PPP1R1C: variants seen among roughly 807,000 people sequenced by gnomAD.
PPP1R1C encodes protein phosphatase 1 regulatory inhibitor subunit 1C.
In PPP1R1C, 15 loss-of-function variants were observed where a neutral mutation model predicts 17.4. That is an observed-to-expected ratio of 0.86 (90% CI 0.58 to 1.33). The LOEUF (loss-of-function observed/expected upper bound fraction) is 1.33, where lower values mean the gene tolerates loss of function less well. Among genes scored for constraint, PPP1R1C ranks in the 40% most tolerant of loss-of-function variants. The pLI, the probability that PPP1R1C is intolerant of heterozygous loss-of-function variation, is 0.00. For missense variants in PPP1R1C, 143 were observed against 130.0 expected, an observed-to-expected ratio of 1.10 and a Z score of -0.48; for synonymous variants, 35 against 43.1, an observed-to-expected ratio of 0.81 and a Z score of 0.73.
chr2:182,080,059 C>A (rs1185517943), intron 4 of PPP1R1C, among the ~76,000 whole-genome samples: 2 of 152,150 alleles, frequency 1.3e-5, no homozygotes, highest in Admixed American at 6.5e-5. Flanking sequence ...ACTATTCAAC[C>A]CAATACATAC....
At chr2:182,028,819 G>A (rs1487012752) in intron 2 of PPP1R1C, among the ~76,000 whole-genome samples, 1 of 116,926 alleles carries the variant, frequency 8.6e-6, no homozygotes, top group Non-Finnish European at 1.9e-5. Flanking sequence ...GGGTGTTAAA[G>A]TCTCCCATTA....
chr2:182,049,073 C>T (rs948933394), intron 2 of PPP1R1C, among the ~76,000 whole-genome samples: 2 of 152,168 alleles, frequency 1.3e-5, no homozygotes, highest in African/African-American at 4.8e-5. Flanking sequence ...AGGCTCACGC[C>T]TGTAATCCCA....
At chr2:181,986,286 TG>T in intron 1 of PPP1R1C, 95 bp downstream of exon 1, 1 of 994,234 alleles carries the variant, frequency 1.0e-6, no homozygotes, top group Non-Finnish European at 1.6e-6. Flanking sequence ...CTTTTGATTT[TG>T]CTAACTCTGA....
At chr2:182,106,320 G>A (rs74558146) in intron 4 of PPP1R1C, among the ~76,000 whole-genome samples, 2,531 of 152,250 alleles carry the variant, frequency 0.017, 37 homozygotes, top group South Asian at 0.058. Flanking sequence ...GTGCCTATAA[G>A]AACCCTGAGA....
At chr2:182,061,513 T>A in intron 3 of PPP1R1C, 34 bp downstream of exon 3, 1 of 1,371,486 alleles carries the variant, frequency 7.3e-7, no homozygotes. Context: ...ATAAATGTGT[T>A]CAAATCAATT....
intron 3 of PPP1R1C, 30 bp downstream of exon 3, chr2:182,061,509 G>A (rs373203029): frequency 2.1e-6 from 3 of 1,401,872 alleles, no homozygotes; most frequent in East Asian, 5.6e-5. Context: ...TTGTATAAAT[G>A]TGTTCAAATC....
intron 2 of PPP1R1C, among the ~76,000 whole-genome samples, chr2:182,022,385 A>G (rs1686455101): frequency 6.6e-6 from 1 of 152,250 alleles, no homozygotes; most frequent in African/African-American, 2.4e-5. Flanking sequence ...TGTGAAATTA[A>G]AAAAGTAAAA....
In PPP1R1C at chr2:181,976,046, T is replaced by C. The variant is rs1291580176; in HGVS notation, n.157+782T>C. Reference sequence around the variant, plus strand: ...TTATCTTTGTTATTCTGGCTCTTAATTTTTTATTAAAAAATTCAAATGTGC... The same window carrying C: ...TTATCTTTGTTATTCTGGCTCTTAACTTTTTATTAAAAAATTCAAATGTGC... On this transcript the variant is annotated intron_variant and non_coding_transcript_variant, in intron 2 of 5. Transcript: ENST00000464264. The surrounding 1 kb of genome is among the most constrained non-coding windows in gnomAD (Gnocchi z 4.8). Among the ~76,000 whole-genome samples, 7 of 152,110 alleles carry C rather than the reference T, an allele frequency of 4.6e-5. No homozygotes were observed. The highest frequency in any genetic ancestry group is 8.8e-5 in the Non-Finnish European group (6 of 67,964).
At chr2:182,090,660 C>G (rs974688544) in intron 4 of PPP1R1C, among the ~76,000 whole-genome samples, 1 of 152,102 alleles carries the variant, frequency 6.6e-6, no homozygotes, top group African/African-American at 2.4e-5. Context: ...ATGCAATCTT[C>G]CAGCAACGAC....
chr2:181,986,169 T>A lies in PPP1R1C; in HGVS notation c.59T>A (p.Ile20Asn). The A allele has an allele frequency of 6.2e-7, 1 of 1,613,654 alleles. No individual in the cohort carries two copies. The highest frequency in any genetic ancestry group is 1.1e-5 in the South Asian group (1 of 91,074). ...QFAVPVFQSQ[I>N]APEAAEQIRK... ...GCCGTGCCTGTATTCCAGAGTCAGATTGCACCTGAAGCAGCAGAGCAGGTA... is the reference window on the plus strand; with the variant it reads ...GCCGTGCCTGTATTCCAGAGTCAGAATGCACCTGAAGCAGCAGAGCAGGTA... The change falls in exon 1 of 5, where the codon ATT (isoleucine) becomes AAT (asparagine). Residue 20 changes from isoleucine (I) to asparagine (N), a missense_variant. Ile to Asn is a moderately radical substitution (Grantham distance 149). Transcript: ENST00000682840.
chr2:181,986,079 C>T lies in PPP1R1C; in HGVS notation c.-32C>T, dbSNP rs1685288582. ...CACTTAGGGTTAGTCTTTCTGAGCT[C>T]TTCACATCTCTGACTAATTATCATC... On this transcript the variant is annotated 5_prime_UTR_variant, in exon 1 of 5. Coordinates refer to ENST00000682840, the MANE Select transcript of PPP1R1C (RefSeq NM_001080545.3). The T allele has an allele frequency of 6.4e-7, 1 of 1,572,742 alleles. No homozygotes were observed. The highest frequency in any genetic ancestry group is 8.8e-7 in the Non-Finnish European group (1 of 1,142,408).
At chr2:182,097,525 T>C (rs1688977549) in intron 4 of PPP1R1C, among the ~76,000 whole-genome samples, 1 of 152,212 alleles carries the variant, frequency 6.6e-6, no homozygotes, top group Non-Finnish European at 1.5e-5. Flanking sequence ...AAACTTAGTT[T>C]ACTACTGGGA....
intron 2 of PPP1R1C, among the ~76,000 whole-genome samples, chr2:182,027,887 G>C (rs1332473780): frequency 2.4e-5 from 3 of 127,394 alleles, no homozygotes; most frequent in South Asian, 2.9e-4. Context: ...CACAATTTCA[G>C]CTCCTGTTAT....
intron 2 of PPP1R1C, among the ~76,000 whole-genome samples, chr2:182,034,303 G>A (rs929851277): frequency 5.3e-5 from 8 of 152,008 alleles, no homozygotes; most frequent in African/African-American, 1.9e-4. Flanking sequence ...TGGCATCAGA[G>A]TATATAACAA....
chr2:182,017,884 G>T (rs991153812), intron 2 of PPP1R1C, among the ~76,000 whole-genome samples: 5 of 152,058 alleles, frequency 3.3e-5, no homozygotes, highest in African/African-American at 4.8e-5. Context: ...TCAACAAAGG[G>T]AAAGATCATA....
chr2:182,054,577 T>C (rs1574414669), intron 2 of PPP1R1C, among the ~76,000 whole-genome samples: 1 of 152,326 alleles, frequency 6.6e-6, no homozygotes, highest in Admixed American at 6.5e-5. Context: ...GGCTTTTTTT[T>C]TTCACTCAAC....
intron 4 of PPP1R1C, among the ~76,000 whole-genome samples, chr2:182,075,019 T>C: frequency 6.6e-6 from 1 of 152,198 alleles, no homozygotes; most frequent in East Asian, 1.9e-4. Flanking sequence ...AGGATAAGAA[T>C]GTTCAAAGGT....
At chr2:182,036,733 C>A (rs78274403) in intron 2 of PPP1R1C, among the ~76,000 whole-genome samples, 2 of 151,786 alleles carry the variant, frequency 1.3e-5, no homozygotes, top group African/African-American at 2.4e-5. Context: ...ATATATAAAA[C>A]ATAATGGCAA....
At chr2:182,092,830 C>T (rs1688821297) in intron 4 of PPP1R1C, among the ~76,000 whole-genome samples, 1 of 152,146 alleles carries the variant, frequency 6.6e-6, no homozygotes, top group Non-Finnish European at 1.5e-5. Context: ...CAGCTCTATC[C>T]CTGTGGCTTT....
Sources: gnomAD v4.1 joint callset for allele counts (sites outside exome capture counted in the v4.1 genomes callset) on GRCh38, gnomAD v4.1.1 for gene constraint, Gnocchi (gnomAD v3.1) non-coding constraint, MANE v1.5 for transcripts, NCBI Gene and HGNC (gene_info 2026-07-23, HGNC 2026-07-21) for gene names.